Variants in CSMD3 observed in about 807,000 individuals in gnomAD.
CSMD3 encodes CUB and sushi domain-containing protein 3.
In CSMD3, 177 loss-of-function variants were observed where a neutral mutation model predicts 435.2. That is an observed-to-expected ratio of 0.41 (90% CI 0.36 to 0.46). The LOEUF is 0.46. CSMD3 is among the 20% of genes least tolerant of loss of function. CSMD3 has a pLI of 0.34. For missense variants in CSMD3, 4,265 were observed against 4,504.6 expected, an observed-to-expected ratio of 0.95 and a Z score of 1.52; for synonymous variants, 1,656 against 1,520.5, an observed-to-expected ratio of 1.09 and a Z score of -2.07.
At chr8:112,902,312 G>C (rs927480752) in intron 10 of CSMD3, among the ~76,000 whole-genome samples, 1 of 151,174 alleles carries the variant, frequency 6.6e-6, no homozygotes, top group East Asian at 2.0e-4. Context: ...ATGATCAAAG[G>C]GTAGGTCAAC....
intron 35 of CSMD3, among the ~76,000 whole-genome samples, chr8:112,400,777 T>C (rs1386515764): frequency 6.6e-6 from 1 of 152,204 alleles, no homozygotes. Flanking sequence ...ACTCTTTTTA[T>C]ATAGATTTTT....
intron 32 of CSMD3, among the ~76,000 whole-genome samples, chr8:112,433,853 G>GT (rs5894083): frequency 0.18 from 27,919 of 151,118 alleles, 3,127 homozygotes; most frequent in Middle Eastern, 0.36. Context: ...TTAGTGCTAA[G>GT]TTTTTTTTTG....
chr8:112,506,268 CAT>C (rs1224412856), intron 29 of CSMD3, among the ~76,000 whole-genome samples: 1 of 152,084 alleles, frequency 6.6e-6, no homozygotes, highest in Admixed American at 6.6e-5. Flanking sequence ...TTAAGCTTAA[CAT>C]TTCACATAAA....
chr8:112,595,473 T>C (rs1328574523), intron 22 of CSMD3, among the ~76,000 whole-genome samples: 1 of 81,466 alleles, frequency 1.2e-5, no homozygotes, highest in Non-Finnish European at 2.3e-5. Flanking sequence ...TTCCCCAATC[T>C]AGCAAGGCAG....
chr8:112,320,081 A>T, intron 45 of CSMD3, 100 bp from the exon 46 acceptor site: 1 of 754,962 alleles, frequency 1.3e-6, no homozygotes, highest in Non-Finnish European at 2.3e-6. Flanking sequence ...TTAAAAAAAT[A>T]AAAATAAATT....
At chr8:112,343,017 T>TTTATA (rs1563815801) in intron 41 of CSMD3, among the ~76,000 whole-genome samples, 11 of 52,558 alleles carry the variant, frequency 2.1e-4, no homozygotes, top group Admixed American at 1.4e-3. Flanking sequence ...ATATATATAT[T>TTTATA]TATATATATA....
rs1218234967 is a variant in CSMD3, at chr8:113,263,024, T to C, written c.514+15568A>G. On this transcript the variant is annotated intron_variant, in intron 3 of 70. Coordinates refer to ENST00000297405, the MANE Select transcript of CSMD3 (RefSeq NM_198123.2). Reference sequence around the variant, plus strand: ...ATCATTTTTTAAAGATTTATTTTAATATCCCTAGGCAAATTAAATGCTATG... The same window carrying C: ...ATCATTTTTTAAAGATTTATTTTAACATCCCTAGGCAAATTAAATGCTATG... 3.3e-5 allele frequency among the ~76,000 whole-genome samples: 5 copies of C among 152,176 alleles called. No individual in the cohort carries two copies. In the East Asian group the frequency reaches 9.7e-4, roughly 29 times the overall value.
chr8:113,416,140 A>T (rs1057019501), intron 1 of CSMD3, among the ~76,000 whole-genome samples: 1 of 152,126 alleles, frequency 6.6e-6, no homozygotes, highest in African/African-American at 2.4e-5. Context: ...AATTTAAATC[A>T]TCAGAATATT....
At chr8:113,234,216 G>T (rs984572730) in intron 3 of CSMD3, among the ~76,000 whole-genome samples, 3 of 152,002 alleles carry the variant, frequency 2.0e-5, no homozygotes, top group African/African-American at 7.2e-5. Context: ...CTTGGCTCCT[G>T]GAAATTTTTC....
chr8:112,856,325 T>C (rs1296177286), intron 11 of CSMD3, among the ~76,000 whole-genome samples: 1 of 151,952 alleles, frequency 6.6e-6, no homozygotes. Context: ...AACTGATTAG[T>C]AATAATAACT....
At chr8:112,586,241 A>G (rs1830718705) in intron 23 of CSMD3, among the ~76,000 whole-genome samples, 1 of 151,470 alleles carries the variant, frequency 6.6e-6, no homozygotes, top group Non-Finnish European at 1.5e-5. Context: ...TTTTTTCAAG[A>G]TTTGTGAAAA....
At chr8:112,458,698 T>A (rs1455965511) in intron 32 of CSMD3, among the ~76,000 whole-genome samples, 1 of 152,062 alleles carries the variant, frequency 6.6e-6, no homozygotes, top group Non-Finnish European at 1.5e-5. Flanking sequence ...AATCAGTCCC[T>A]TTGGGTTTGA....
intron 5 of CSMD3, among the ~76,000 whole-genome samples, chr8:113,091,447 A>T (rs757414822): frequency 1.3e-5 from 2 of 151,910 alleles, no homozygotes; most frequent in East Asian, 1.9e-4. Flanking sequence ...TGATCTCATT[A>T]CTTGTTATTG....
chr8:112,795,845 C>T (rs1483572267), intron 13 of CSMD3, among the ~76,000 whole-genome samples: 2 of 152,078 alleles, frequency 1.3e-5, no homozygotes, highest in Admixed American at 6.6e-5. Context: ...GCATTAAATA[C>T]TGTGGCCAAA....
At chr8:113,402,887 T>C (rs2094516218) in intron 1 of CSMD3, among the ~76,000 whole-genome samples, 1 of 151,344 alleles carries the variant, frequency 6.6e-6, no homozygotes, top group South Asian at 2.1e-4. Context: ...CTTAAGTAGA[T>C]GATTTATTTT....
At chr8:113,411,165 A>G (rs1172311462) in intron 1 of CSMD3, among the ~76,000 whole-genome samples, 1 of 152,036 alleles carries the variant, frequency 6.6e-6, no homozygotes, top group Middle Eastern at 3.2e-3. Context: ...TACACGTGTA[A>G]TCATTTTTTG....
chr8:112,443,750 CT>C (rs1467281106), intron 32 of CSMD3, among the ~76,000 whole-genome samples: 2 of 151,980 alleles, frequency 1.3e-5, no homozygotes, highest in Non-Finnish European at 2.9e-5. Context: ...TAATATCTGG[CT>C]TAATAATTTT....
At chr8:113,118,132 T>TC (rs1180721854) in intron 4 of CSMD3, among the ~76,000 whole-genome samples, 1 of 152,106 alleles carries the variant, frequency 6.6e-6, no homozygotes, top group African/African-American at 2.4e-5. Context: ...GCTAAAACAA[T>TC]CCCCCATCAG....
In CSMD3 at chr8:112,855,885, C is replaced by T. The variant is rs540111181; in HGVS notation, c.1755+3260G>A. ...ATCTGGAATTTCCTATTCTAATTCT[C>T]CAGGGTTTTATTTACACTCAAGCAA... On this transcript the variant is annotated intron_variant, in intron 11 of 70. Coordinates refer to ENST00000297405, the MANE Select transcript of CSMD3 (RefSeq NM_198123.2). 5.5e-5 allele frequency among the ~76,000 whole-genome samples: 8 copies of T among 146,336 alleles called. No individual in the cohort carries two copies. In the Admixed American group the frequency reaches 5.5e-4, roughly 10 times the overall value.
Sources: gnomAD v4.1 joint callset for allele counts (sites outside exome capture counted in the v4.1 genomes callset) on GRCh38, gnomAD v4.1.1 for gene constraint, MANE v1.5 for transcripts, NCBI Gene and HGNC (gene_info 2026-07-23, HGNC 2026-07-21) for gene names.